RBFOX1: variants seen among roughly 807,000 people sequenced by gnomAD.
The protein encoded by RBFOX1 is RNA binding protein fox-1 homolog 1.
Under a neutral mutation model 57.7 loss-of-function variants are expected in RBFOX1, and 8 were observed. That is an observed-to-expected ratio of 0.14 (90% CI 0.08 to 0.25). The LOEUF (loss-of-function observed/expected upper bound fraction) is 0.25, where lower values mean the gene tolerates loss of function less well. Ranked by LOEUF, RBFOX1 falls within the 10% of genes least tolerant of loss-of-function variation. The probability of loss-of-function intolerance (pLI) is 1.00; values close to 1 mark genes in which losing one functional copy is unlikely to be tolerated. For missense variants in RBFOX1, 611 were observed against 548.5 expected, an observed-to-expected ratio of 1.11 and a Z score of -1.14; for synonymous variants, 326 against 222.4, an observed-to-expected ratio of 1.47 and a Z score of -4.15.
intron 3 of RBFOX1, among the ~76,000 whole-genome samples, chr16:5,702,873 T>C (rs1793256508): frequency 6.6e-6 from 1 of 152,176 alleles, no homozygotes; most frequent in Non-Finnish European, 1.5e-5. Flanking sequence ...TGAAAGGTCT[T>C]CTTGGTTGTG....
At chr16:6,216,777 C>T (rs1032933146) in intron 1 of RBFOX1, among the ~76,000 whole-genome samples, 2 of 152,226 alleles carry the variant, frequency 1.3e-5, no homozygotes, top group African/African-American at 2.4e-5. Context: ...AAAGCAAATT[C>T]TTTTATTTCT....
intron 14 of RBFOX1, among the ~76,000 whole-genome samples, chr16:7,690,838 A>G (rs2077159667): frequency 1.3e-5 from 2 of 152,272 alleles, no homozygotes; most frequent in African/African-American, 4.8e-5. Context: ...CTGTACATAA[A>G]ATGGCATAAC....
At chr16:7,486,673 A>T (rs1054163878) in intron 4 of RBFOX1, among the ~76,000 whole-genome samples, 4 of 152,204 alleles carry the variant, frequency 2.6e-5, no homozygotes, top group African/African-American at 9.6e-5. Context: ...GGTATGTGTT[A>T]TGATCTGGGT....
intron 1 of RBFOX1, among the ~76,000 whole-genome samples, chr16:5,242,068 C>T (rs1297471880): frequency 1.3e-5 from 2 of 152,052 alleles, no homozygotes; most frequent in Non-Finnish European, 2.9e-5. Flanking sequence ...GAGCTGTCAT[C>T]ATGCCACTGC....
At chr16:7,397,524 C>T (rs1409020265) in intron 4 of RBFOX1, among the ~76,000 whole-genome samples, 1 of 152,162 alleles carries the variant, frequency 6.6e-6, no homozygotes, top group African/African-American at 2.4e-5. Context: ...GACAGAGGGT[C>T]TCAGAGCCTC....
At chr16:6,872,314 C>G (rs1051189402) in intron 3 of RBFOX1, among the ~76,000 whole-genome samples, 2 of 152,128 alleles carry the variant, frequency 1.3e-5, no homozygotes, top group Non-Finnish European at 2.9e-5. Flanking sequence ...TGCAGTCTGT[C>G]TCCCTCTCTT....
chr16:5,661,508 C>T (rs1266035664), intron 3 of RBFOX1, among the ~76,000 whole-genome samples: 11 of 152,182 alleles, frequency 7.2e-5, no homozygotes, highest in Admixed American at 6.5e-4. Flanking sequence ...TCCCAGTTGT[C>T]TCACAAATGT....
At chr16:6,821,896 G>T (rs1033925237) in intron 3 of RBFOX1, among the ~76,000 whole-genome samples, 1 of 152,120 alleles carries the variant, frequency 6.6e-6, no homozygotes, top group South Asian at 2.1e-4. Flanking sequence ...GAAATTGCTA[G>T]GTCATATGGT....
chr16:7,370,190 A>G (rs985085654), intron 4 of RBFOX1, among the ~76,000 whole-genome samples: 1 of 152,260 alleles, frequency 6.6e-6, no homozygotes, highest in East Asian at 1.9e-4. Context: ...CATTATGACA[A>G]CCAAACATTG....
intron 3 of RBFOX1, among the ~76,000 whole-genome samples, chr16:5,820,467 A>G (rs2055806108): frequency 6.6e-6 from 1 of 152,164 alleles, no homozygotes; most frequent in Non-Finnish European, 1.5e-5. Context: ...CAGCATTAGC[A>G]GCACCAGAGC....
chr16:7,152,148 G>A (rs12443602), intron 4 of RBFOX1, among the ~76,000 whole-genome samples: 13,015 of 152,228 alleles, frequency 0.085, 659 homozygotes, highest in Middle Eastern at 0.12. Context: ...ATTCTGTTTG[G>A]ATCACATCCT....
intron 4 of RBFOX1, among the ~76,000 whole-genome samples, chr16:7,199,442 T>C (rs2087702578): frequency 6.6e-6 from 1 of 152,176 alleles, no homozygotes; most frequent in Non-Finnish European, 1.5e-5. Context: ...TCTTTGGAAA[T>C]GAATGACTGA....
chr16:6,505,689 A>C (rs1172757325), intron 2 of RBFOX1, among the ~76,000 whole-genome samples: 1 of 152,244 alleles, frequency 6.6e-6, no homozygotes, highest in East Asian at 1.9e-4. Context: ...TGATACATTC[A>C]AAGGAAAAAG....
intron 3 of RBFOX1, among the ~76,000 whole-genome samples, chr16:6,706,830 A>G (rs1002326345): frequency 4.6e-5 from 7 of 151,990 alleles, no homozygotes; most frequent in Non-Finnish European, 1.0e-4. Flanking sequence ...ATCTGTAATA[A>G]TAGGTGACCA....
chr16:5,443,427 T>G (rs2068146331), intron 1 of RBFOX1, among the ~76,000 whole-genome samples: 1 of 152,184 alleles, frequency 6.6e-6, no homozygotes, highest in South Asian at 2.1e-4. Context: ...AACCTCCACC[T>G]CCTGGGTTCA....
chr16:7,327,769 T>C (rs1237754151), intron 4 of RBFOX1, among the ~76,000 whole-genome samples: 2 of 152,016 alleles, frequency 1.3e-5, no homozygotes, highest in Admixed American at 1.3e-4. Flanking sequence ...AGAGATAGCA[T>C]AAATCTAGAT....
At chr16:6,573,262 C>T (rs1358545076) in intron 2 of RBFOX1, among the ~76,000 whole-genome samples, 1 of 152,128 alleles carries the variant, frequency 6.6e-6, no homozygotes, top group East Asian at 1.9e-4. Context: ...GCCGTGACTG[C>T]CACAAACACG....
intron 1 of RBFOX1, among the ~76,000 whole-genome samples, chr16:6,210,543 A>G (rs1420323856): frequency 6.6e-6 from 1 of 151,794 alleles, no homozygotes; most frequent in Admixed American, 6.6e-5. Flanking sequence ...CAGGCTGGGT[A>G]ATGTAGCGAG....
At chr16:6,879,012 C>T (rs893208982) in intron 3 of RBFOX1, among the ~76,000 whole-genome samples, 1 of 152,082 alleles carries the variant, frequency 6.6e-6, no homozygotes, top group African/African-American at 2.4e-5. Context: ...ATAAGCAAAG[C>T]CCAGATTACT....
Sources: gnomAD v4.1 joint callset for allele counts (sites outside exome capture counted in the v4.1 genomes callset) on GRCh38, gnomAD v4.1.1 for gene constraint, MANE v1.5 for transcripts, NCBI Gene and HGNC (gene_info 2026-07-23, HGNC 2026-07-21) for gene names.